The following TLN2 variants were observed in gnomAD, a reference collection of about 807,000 sequenced individuals.
TLN2 encodes the protein talin-2.
Under a neutral mutation model 294.7 loss-of-function variants are expected in TLN2, and 118 were observed. The ratio of observed to expected loss-of-function variants is 0.40; its 90% confidence interval spans 0.34 to 0.47. The LOEUF is 0.47. Ranked by LOEUF, TLN2 falls within the 20% of genes least tolerant of loss-of-function variation. The probability of loss-of-function intolerance (pLI) is 0.84; values close to 1 mark genes in which losing one functional copy is unlikely to be tolerated. For synonymous variants in TLN2, 1,431 were observed against 1,304.5 expected, an observed-to-expected ratio of 1.10 and a Z score of -2.09; for missense variants, 3,083 against 3,282.2, an observed-to-expected ratio of 0.94 and a Z score of 1.48.
intron 55 of TLN2, chr15:62,833,862 T>A (rs1442318792): frequency 2.1e-6 from 1 of 468,934 alleles, no homozygotes; most frequent in Non-Finnish European, 3.7e-6. Flanking sequence ...AGCATCCCAT[T>A]CCAGGCAGTG....
rs1202089523 is a variant in TLN2, at chr15:62,836,157, C to A, written c.7374+84C>A. ...GAGGGGACAAGCCTCACTTCCTTGG[C>A]ATGACCCACCAGGCCTTCCATCAGC... On this transcript the variant is annotated intron_variant, in intron 57 of 58. Transcript: ENST00000636159. 2.0e-6 allele frequency: 3 copies of A among 1,517,786 alleles called. No individual in the cohort carries two copies. The Admixed American group carries it at 5.9e-5, about 30-fold the overall frequency. The allele number at this position is 1,517,786 out of a possible 1,614,324, so 94.0% of individuals were successfully genotyped here.
chr15:62,534,339 GC>G (rs1243316012), intron 1 of TLN2, among the ~76,000 whole-genome samples: 1 of 152,226 alleles, frequency 6.6e-6, no homozygotes, highest in Non-Finnish European at 1.5e-5. Context: ...TGTGGCCTGA[GC>G]TGCTGACTGA....
chr15:62,710,887 G>A (rs1163264845), intron 21 of TLN2, among the ~76,000 whole-genome samples: 1 of 151,734 alleles, frequency 6.6e-6, no homozygotes, highest in Non-Finnish European at 1.5e-5. Flanking sequence ...CACCACGCCC[G>A]GCTAATTTTT....
intron 3 of TLN2, among the ~76,000 whole-genome samples, chr15:62,624,482 CTGTTTTACAGCT>C (rs1367659823): frequency 2.6e-5 from 4 of 152,172 alleles, no homozygotes; most frequent in Non-Finnish European, 5.9e-5. Context: ...CATGAATGTG[CTGTTTTACAGCT>C]TTGTTTCAGA....
chr15:62,719,895 G>C lies in TLN2; in HGVS notation c.2991+15G>C. 3 of 1,591,882 alleles carry C rather than the reference G, an allele frequency of 1.9e-6. No individual in the cohort carries two copies. The highest frequency in any genetic ancestry group is 2.6e-6 in the Non-Finnish European group (3 of 1,168,020). ...ACTTCCTCCAGGTAACAGGGCTGTGGTCACCTTGGGCTCACTCAGAGCCCT... is the reference window on the plus strand; with the variant it reads ...ACTTCCTCCAGGTAACAGGGCTGTGCTCACCTTGGGCTCACTCAGAGCCCT... On this transcript the variant is annotated intron_variant, in intron 25 of 58. Coordinates refer to ENST00000636159, the MANE Select transcript of TLN2 (RefSeq NM_015059.3).
At chr15:62,592,935 TA>T (rs1171850495) in intron 2 of TLN2, among the ~76,000 whole-genome samples, 1 of 152,246 alleles carries the variant, frequency 6.6e-6, no homozygotes. Context: ...GATTTGAGAT[TA>T]AATGCAATAT....
intron 25 of TLN2, 128 bp downstream of exon 25, chr15:62,720,008 C>T (rs1418522226): frequency 2.2e-5 from 14 of 643,468 alleles, no homozygotes; most frequent in Non-Finnish European, 2.7e-5. Context: ...GGCTTGAAGG[C>T]CTCTTCTTTA....
intron 42 of TLN2, among the ~76,000 whole-genome samples, chr15:62,776,142 C>A (rs1054977268): frequency 1.5e-4 from 23 of 152,108 alleles, no homozygotes; most frequent in African/African-American, 5.6e-4. Flanking sequence ...TCACTTAGCC[C>A]CTACTCTGCT....
chr15:62,582,247 C>CACAT lies in TLN2; in HGVS notation c.-237-7439_-237-7438insCATA, dbSNP rs1412650912. ...ACACACACACACACACACACACACA[C>CACAT]ATTCATGCCTGACCCATTCCTGACC... On this transcript the variant is annotated intron_variant, in intron 1 of 58. Coordinates refer to ENST00000636159, the MANE Select transcript of TLN2 (RefSeq NM_015059.3). Among the ~76,000 whole-genome samples, 217 of 103,192 alleles carry CACAT rather than the reference C, an allele frequency of 2.1e-3. 6 individuals are homozygous for CACAT. The highest frequency in any genetic ancestry group is 7.8e-3 in the Middle Eastern group (2 of 258). The allele number at this position is 103,192 out of a possible 152,430, so 67.7% of individuals were successfully genotyped here.
chr15:62,519,940 G>A (rs1432599655), intron 1 of TLN2, among the ~76,000 whole-genome samples: 1 of 152,220 alleles, frequency 6.6e-6, no homozygotes, highest in Non-Finnish European at 1.5e-5. Flanking sequence ...TGGACTCACA[G>A]TTCCATGTAG....
intron 51 of TLN2, among the ~76,000 whole-genome samples, chr15:62,806,894 T>C (rs2066325536): frequency 6.6e-6 from 1 of 152,042 alleles, no homozygotes. Context: ...CTGCTGGAGT[T>C]GCTGCTGCAA....
Position 62,522,942 on chromosome 15 carries a change from AC to A in TLN2, c.-237-66744del, listed in dbSNP as rs2040536481. On this transcript the variant is annotated intron_variant, in intron 1 of 58. Coordinates refer to ENST00000636159, the MANE Select transcript of TLN2 (RefSeq NM_015059.3). ...GAGTGGTCTGCCCTGAATGTGGCTT[AC>A]ACACACACACACACACACACACACA... Among the ~76,000 whole-genome samples the A allele has an allele frequency of 1.4e-4, 4 of 28,520 alleles. No individual in the cohort carries two copies. In the East Asian group the frequency reaches 1.9e-3, roughly 14 times the overall value. 18.7% of individuals were successfully genotyped at this position (28,520 alleles called of 152,430 possible). A position where few individuals can be genotyped will look rare whatever the true frequency, so the allele number is the denominator to read the frequency against.
chr15:62,657,389 T>C (rs919215253), intron 8 of TLN2, among the ~76,000 whole-genome samples: 18 of 152,226 alleles, frequency 1.2e-4, no homozygotes, highest in African/African-American at 4.1e-4. Context: ...TTTGATTAGC[T>C]AGCTTTGTGA....
chr15:62,688,251 G>T (rs74736173), intron 12 of TLN2, among the ~76,000 whole-genome samples: 4,563 of 152,208 alleles, frequency 0.03, 245 homozygotes, highest in African/African-American at 0.1. Context: ...CCCATTATAC[G>T]TAGTGATTTT....
chr15:62,792,502 C>A, intron 45 of TLN2, 139 bp from the exon 46 acceptor site: 1 of 1,185,508 alleles, frequency 8.4e-7, no homozygotes, highest in Middle Eastern at 2.9e-4. Flanking sequence ...CATACTTCAC[C>A]AAACACAGAC....
chr15:62,741,729 T>C (rs2061327619), intron 32 of TLN2, among the ~76,000 whole-genome samples: 2 of 12,048 alleles, frequency 1.7e-4, no homozygotes, highest in African/African-American at 2.0e-4. Context: ...TTTTTTAACT[T>C]GGTTTTTTAA....
At chr15:62,422,250 G>A (rs1341130718) in intron 1 of TLN2, among the ~76,000 whole-genome samples, 3 of 131,704 alleles carry the variant, frequency 2.3e-5, no homozygotes, top group Non-Finnish European at 3.2e-5. Flanking sequence ...AAAAAGACTT[G>A]CCTATCAAAG....
intron 14 of TLN2, among the ~76,000 whole-genome samples, chr15:62,697,202 G>T (rs2058403363): frequency 6.6e-6 from 1 of 152,090 alleles, no homozygotes; most frequent in East Asian, 1.9e-4. Context: ...CAGGCTCCTG[G>T]GCTCAGGTGA....
intron 12 of TLN2, among the ~76,000 whole-genome samples, chr15:62,687,246 G>A (rs926440448): frequency 6.6e-6 from 1 of 152,188 alleles, no homozygotes; most frequent in Non-Finnish European, 1.5e-5. Context: ...GTACACAGTG[G>A]AAATAACGTG....
Sources: gnomAD v4.1 joint callset for allele counts (sites outside exome capture counted in the v4.1 genomes callset) on GRCh38, gnomAD v4.1.1 for gene constraint, MANE v1.5 for transcripts, NCBI Gene and HGNC (gene_info 2026-07-23, HGNC 2026-07-21) for gene names.